The following TSPAN32 variants were observed in gnomAD, a reference collection of about 807,000 sequenced individuals.
The protein encoded by TSPAN32 is tetraspanin-32.
Under a neutral mutation model 42.7 loss-of-function variants are expected in TSPAN32, and 47 were observed. The observed-to-expected ratio is 1.10, with a 90% CI of 0.87 to 1.40. TSPAN32 has a LOEUF of 1.40. Among genes scored for constraint, TSPAN32 ranks in the 40% most tolerant of loss-of-function variants. TSPAN32 has a pLI of 0.00. For synonymous variants in TSPAN32, 175 were observed against 175.9 expected, an observed-to-expected ratio of 0.99 and a Z score of 0.04; for missense variants, 469 against 424.1, an observed-to-expected ratio of 1.11 and a Z score of -0.93.
intron 6 of TSPAN32, chr11:2,315,034 A>AGCGAGGCTGGAGGGTTGGC (rs3032801): frequency 2.6e-4 from 72 of 274,474 alleles, no homozygotes; most frequent in South Asian, 1.6e-3. Flanking sequence ...GAGGAGAAGA[A>AGCGAGGCTGGAGGGTTGGC]GTAGGCCAGG....
intron 6 of TSPAN32, chr11:2,315,418 G>A (rs1285853510): frequency 8.8e-7 from 1 of 1,137,924 alleles, no homozygotes; most frequent in Non-Finnish European, 1.1e-6. Flanking sequence ...CAGGACCCCT[G>A]TGCCACCCAA....
Position 2,314,488 on chromosome 11 carries a change from C to G in TSPAN32, c.460C>G (p.Leu154Val). The G allele has an allele frequency of 6.2e-7, 1 of 1,611,282 alleles. No individual in the cohort carries two copies. Among genetic ancestry groups the G allele is most frequent in the Non-Finnish European group, 8.5e-7 (1 of 1,178,798 alleles). ...QELAAIQDVFLCCGKKSPFSR... is the reference protein window; with the variant it reads ...QELAAIQDVFVCCGKKSPFSR... ...TCCCTCCCTTCTGTTCCTGTAGTTT[C>G]TGTGCTGTGGGAAGAAGTCTCCTTT... Residue 154 changes from leucine (L) to valine (V), a missense_variant, in exon 6 of 10, where the codon CTG becomes GTG. Coordinates refer to ENST00000182290, the MANE Select transcript of TSPAN32 (RefSeq NM_139022.3).
chr11:2,309,309 T>C (rs1204167681), intron 4 of TSPAN32: 2 of 463,984 alleles, frequency 4.3e-6, no homozygotes, highest in Non-Finnish European at 9.0e-6. Context: ...CTCCACCCCC[T>C]CCACGGAACA....
chr11:2,303,346 C>T (rs1458509409), intron 2 of TSPAN32: 2 of 187,574 alleles, frequency 1.1e-5, no homozygotes, highest in Middle Eastern at 5.0e-4. Context: ...TGATGTTCCA[C>T]TCAGGACCTG....
In TSPAN32 at chr11:2,304,089, C is replaced by G; in HGVS notation, c.182-18C>G. The G allele has an allele frequency of 8.3e-6, 13 of 1,562,638 alleles. No individual in the cohort carries two copies. The highest frequency in any genetic ancestry group is 1.0e-5 in the Non-Finnish European group (12 of 1,152,402). ...GTCCTGGGCACCCCTAACCCTCCTC[C>G]TCTCTCCTCCCAACCAGCCTTCTCT... On this transcript the variant is annotated intron_variant, in intron 2 of 9. Transcript: ENST00000182290. This position sits in a 1 kb window ranked among gnomAD's most constrained non-coding sequence, Gnocchi z 4.8.
intron 7 of TSPAN32, 94 bp downstream of exon 7, chr11:2,316,406 T>A (rs1263934358): frequency 6.5e-7 from 1 of 1,544,142 alleles, no homozygotes; most frequent in East Asian, 2.4e-5. Flanking sequence ...CGGGACAGGA[T>A]CTCTGGTCTT....
At chr11:2,306,044 C>CTGTGTGTGTGTGTG (rs1407139268) in intron 3 of TSPAN32, among the ~76,000 whole-genome samples, 27 of 40,904 alleles carry the variant, frequency 6.6e-4, no homozygotes, top group African/African-American at 2.5e-3. Context: ...GTGCAGGTGC[C>CTGTGTGTGTGTGTG]TCTGTGTGTG....
intron 3 of TSPAN32, among the ~76,000 whole-genome samples, chr11:2,307,797 G>C (rs997992272): frequency 2.6e-5 from 4 of 152,138 alleles, no homozygotes; most frequent in African/African-American, 9.7e-5. Context: ...GAGAGAGAGG[G>C]GACAGTGGTT....
At chr11:2,309,188 C>G (rs1272678295) in intron 4 of TSPAN32, 2 of 388,868 alleles carry the variant, frequency 5.1e-6, no homozygotes, top group Non-Finnish European at 1.1e-5. Context: ...CTAGAAGGAG[C>G]AGAGTGTTCC....
Position 2,316,558 on chromosome 11 carries a change from C to CG in TSPAN32, c.628-15dup. On this transcript the variant is annotated splice_polypyrimidine_tract_variant and intron_variant, in intron 7 of 9. Coordinates refer to ENST00000182290, the MANE Select transcript of TSPAN32 (RefSeq NM_139022.3). ...GCACCCTGGGGCAGTGGGGCAGCCG[C>CG]GGGTGTCTCCCTCCCAGGTGTCCGC... 1 of 1,600,554 alleles carries CG rather than the reference C, an allele frequency of 6.2e-7. No individual in the cohort carries two copies. The highest frequency in any genetic ancestry group is 8.5e-7 in the Non-Finnish European group (1 of 1,171,570).
intron 6 of TSPAN32, chr11:2,315,438 GA>G: frequency 2.7e-6 from 3 of 1,131,974 alleles, no homozygotes; most frequent in East Asian, 7.0e-5. Flanking sequence ...AGGAGAGACT[GA>G]AAAGGCCCCC....
chr11:2,302,817 C>T, intron 1 of TSPAN32, 27 bp from the exon 2 acceptor site: 2 of 1,599,588 alleles, frequency 1.3e-6, no homozygotes, highest in Non-Finnish European at 1.7e-6. Flanking sequence ...TCCCATGCCC[C>T]ACACTCTGAG....
intron 4 of TSPAN32, 39 bp downstream of exon 4, chr11:2,308,849 CCCAGTAAG>C: frequency 7.4e-7 from 1 of 1,358,626 alleles, no homozygotes; most frequent in South Asian, 1.3e-5. Context: ...TGGAGGGTCC[CCCAGTAAG>C]CCAGTGGGCA....
rs537950015 is a variant in TSPAN32 at position 2,314,578 on chromosome 11, G to A, written c.543+7G>A. On this transcript the variant is annotated splice_region_variant and intron_variant, in intron 6 of 9. Coordinates refer to ENST00000182290, the MANE Select transcript of TSPAN32 (RefSeq NM_139022.3). The stretch of plus-strand genomic sequence containing the variant: ...AGAGGAGGCGGCGAGAGAGGTGAGG[G>A]GGGGACCTGGATGCTGGCCAGGCAA... 68 of 1,602,048 alleles carry A rather than the reference G, an allele frequency of 4.2e-5. 1 individual carries two copies. The South Asian group carries it at 6.9e-4, about 16-fold the overall frequency.
chr11:2,314,529 C>G lies in TSPAN32; in HGVS notation c.501C>G (p.Ser167Arg), dbSNP rs973913614. The stretch of plus-strand genomic sequence containing the variant: ...AGTCTCCTTTCAGCCGTCTGGGGAG[C>G]ACAGAGGCTGACCTGTGTCAGGGAG... ...GKKSPFSRLG[S>R]TEADLCQGEE... Residue 167 changes from serine to arginine, a missense_variant, in exon 6 of 10, where the codon AGC becomes AGG. Transcript: ENST00000182290. 1.2e-6 allele frequency: 2 copies of G among 1,612,326 alleles called. No individual in the cohort carries two copies. Among genetic ancestry groups the G allele is most frequent in the African/African-American group, 2.7e-5 (2 of 74,914 alleles).
chr11:2,303,022 G>C (rs1245042863), intron 2 of TSPAN32, 64 bp downstream of exon 2: 1 of 1,458,144 alleles, frequency 6.9e-7, no homozygotes, highest in Non-Finnish European at 9.5e-7. Context: ...GCTGGCACGA[G>C]CCCAGCTGGA....
chr11:2,303,101 G>T lies in TSPAN32; in HGVS notation c.181+143G>T, dbSNP rs143395625. On this transcript the variant is annotated intron_variant, in intron 2 of 9. Transcript: ENST00000182290. Reference sequence around the variant, plus strand: ...AGGTGGTCAGGGGCAGGGAGGGGCTGCCCTGGAGTCCTAGCTCCCCTGGGC... The same window carrying T: ...AGGTGGTCAGGGGCAGGGAGGGGCTTCCCTGGAGTCCTAGCTCCCCTGGGC... 341 of 709,236 alleles carry T rather than the reference G, an allele frequency of 4.8e-4. 5 individuals are homozygous for T. The East Asian group carries it at 9.4e-3, about 20-fold the overall frequency. 43.9% of individuals were successfully genotyped at this position (709,236 alleles called of 1,614,324 possible).
Position 2,316,761 on chromosome 11 carries a change from G to A in TSPAN32, c.719+94G>A, listed in dbSNP as rs1223968870. 1.3e-5 allele frequency: 17 copies of A among 1,348,064 alleles called. No individual in the cohort carries two copies. In the African/African-American group the frequency reaches 1.9e-4, roughly 15 times the overall value. 83.5% of individuals were successfully genotyped at this position (1,348,064 alleles called of 1,614,324 possible). Reference sequence around the variant, plus strand: ...CTGCCAGCTGCTAGGAGGGAGCCCCGGGACCAAGCCCCAGGCTGACACTGT... The same window carrying A: ...CTGCCAGCTGCTAGGAGGGAGCCCCAGGACCAAGCCCCAGGCTGACACTGT... On this transcript the variant is annotated intron_variant, in intron 8 of 9. Transcript: ENST00000182290.
Position 2,315,792 on chromosome 11 carries a change from T to C in TSPAN32, c.544-437T>C, listed in dbSNP as rs74048262. Reference sequence around the variant, plus strand: ...GGATGGAACCAGGAAGCTGGGACTGTGCGGGGACCCCCCTCACACCCCTCC... The same window carrying C: ...GGATGGAACCAGGAAGCTGGGACTGCGCGGGGACCCCCCTCACACCCCTCC... On this transcript the variant is annotated intron_variant, in intron 6 of 9. Coordinates refer to ENST00000182290, the MANE Select transcript of TSPAN32 (RefSeq NM_139022.3). The C allele has an allele frequency of 1.7e-3, 2,170 of 1,305,426 alleles. 36 individuals carry two copies. In the African/African-American group the frequency reaches 0.03, roughly 18 times the overall value. The allele number at this position is 1,305,426 out of a possible 1,614,324, so 80.9% of individuals were successfully genotyped here.
Sources: allele counts gnomAD v4.1 joint callset (sites outside exome capture counted in the v4.1 genomes callset), GRCh38; gene constraint gnomAD v4.1.1; non-coding constraint Gnocchi (gnomAD v3.1); transcripts MANE v1.5; gene names NCBI Gene and HGNC (gene_info 2026-07-23, HGNC 2026-07-21).